Variants in TMPRSS11D observed in about 807,000 individuals in gnomAD.
TMPRSS11D encodes transmembrane serine protease 11D, also known as transmembrane protease serine 11D.
TMPRSS11D carries 32 observed loss-of-function variants against 44.4 expected under a neutral mutation model. That is an observed-to-expected ratio of 0.72 (90% CI 0.54 to 0.97). The LOEUF (loss-of-function observed/expected upper bound fraction) is 0.97, where lower values mean the gene tolerates loss of function less well. TMPRSS11D is among the 50% of genes least tolerant of loss of function. The pLI, the probability that TMPRSS11D is intolerant of heterozygous loss-of-function variation, is 0.00. For synonymous variants in TMPRSS11D, 179 were observed against 177.9 expected (o/e 1.01, Z -0.05); for missense variants, 446 against 502.6 (o/e 0.89, Z 1.08).
intron 1 of TMPRSS11D, among the ~76,000 whole-genome samples, chr4:67,862,203 C>T (rs2109691501): frequency 6.6e-6 from 1 of 152,190 alleles, no homozygotes; most frequent in Non-Finnish European, 1.5e-5. Context: ...ATCTGCCAGG[C>T]ATTGTACAAG....
chr4:67,831,171 G>A (rs763606968), intron 7 of TMPRSS11D, among the ~76,000 whole-genome samples: 2 of 152,064 alleles, frequency 1.3e-5, no homozygotes, highest in Non-Finnish European at 2.9e-5. Flanking sequence ...ACTGTTAAAG[G>A]CAGATAAAAA....
rs751423442 is a variant in TMPRSS11D, at chr4:67,838,244, T to C, written c.403A>G (p.Ile135Val). ...NNNGASMKSR[I>V]ESVLRQMLNN... ...AGCATTTGTCGTAAAACAGACTCAA[T>C]TCTGCTTTTCATTGATGCTCCATTG... Residue 135 changes from isoleucine (I) to valine (V), a missense_variant, in exon 5 of 10, where the codon ATT becomes GTT. By Grantham distance (29) the Ile-to-Val change is conservative. Coordinates refer to ENST00000283916, the MANE Select transcript of TMPRSS11D (RefSeq NM_004262.3). The C allele has an allele frequency of 1.2e-6, 2 of 1,602,514 alleles. 1 individual carries two copies. Among genetic ancestry groups the C allele is most frequent in the South Asian group, 2.3e-5 (2 of 88,706 alleles).
At chr4:67,876,370 A>T (rs988651095) in intron 1 of TMPRSS11D, among the ~76,000 whole-genome samples, 8 of 152,104 alleles carry the variant, frequency 5.3e-5, no homozygotes, top group African/African-American at 1.7e-4. Flanking sequence ...GTCTTTCTAT[A>T]TGTAGAACCT....
At chr4:67,828,648 A>G (rs937744349) in intron 7 of TMPRSS11D, among the ~76,000 whole-genome samples, 6 of 152,178 alleles carry the variant, frequency 3.9e-5, no homozygotes, top group African/African-American at 1.4e-4. Context: ...CCAAGGTCAG[A>G]GCTTCCAATA....
intron 1 of TMPRSS11D, among the ~76,000 whole-genome samples, chr4:67,862,459 C>A (rs1718812602): frequency 6.6e-6 from 1 of 152,080 alleles, no homozygotes; most frequent in South Asian, 2.1e-4. Context: ...TCACGTCTCT[C>A]CTGACCTCAC....
intron 1 of TMPRSS11D, among the ~76,000 whole-genome samples, chr4:67,870,813 C>T (rs80232746): frequency 7.5e-6 from 1 of 133,952 alleles, no homozygotes. Context: ...GACCCTGTCT[C>T]AAAAAAAAAA....
At chr4:67,882,486 A>G (rs1474236339) in intron 1 of TMPRSS11D, among the ~76,000 whole-genome samples, 1 of 152,188 alleles carries the variant, frequency 6.6e-6, no homozygotes, top group Admixed American at 6.5e-5. Flanking sequence ...TGATGGATCA[A>G]CTTAGAAATT....
intron 3 of TMPRSS11D, among the ~76,000 whole-genome samples, chr4:67,849,251 C>T (rs1441656715): frequency 6.6e-6 from 1 of 152,022 alleles, no homozygotes; most frequent in African/African-American, 2.4e-5. Context: ...GGTGTGGGGA[C>T]ATCATGAGTT....
chr4:67,822,090 A>C lies in TMPRSS11D; in HGVS notation c.*247T>G. On this transcript the variant is annotated 3_prime_UTR_variant, in exon 10 of 10. Transcript: ENST00000283916. ...ACTGTAATGAAATTGTTAACTTTGT[A>C]ATTAGTTTAGTGTGTTTCTTCTGTT... 1 of 393,398 alleles carries C rather than the reference A, an allele frequency of 2.5e-6. No homozygotes were observed. Among genetic ancestry groups the C allele is most frequent in the Admixed American group, 3.8e-5 (1 of 26,542 alleles). 24.4% of individuals were successfully genotyped at this position (393,398 alleles called of 1,614,324 possible).
intron 9 of TMPRSS11D, 70 bp from the exon 10 acceptor site, chr4:67,822,568 T>C (rs1717674169): frequency 6.5e-7 from 1 of 1,542,274 alleles, no homozygotes; most frequent in East Asian, 2.3e-5. Context: ...AGTTTATTTC[T>C]ATGGCAGTCG....
intron 7 of TMPRSS11D, among the ~76,000 whole-genome samples, chr4:67,829,091 A>G (rs1717878347): frequency 6.6e-6 from 1 of 151,238 alleles, no homozygotes; most frequent in South Asian, 2.1e-4. Flanking sequence ...TCCTGATTTG[A>G]CTTCCTCTGA....
At chr4:67,835,169 C>T in intron 5 of TMPRSS11D, 48 bp from the exon 6 acceptor site, 1 of 1,514,580 alleles carries the variant, frequency 6.6e-7, no homozygotes. Context: ...AGGCTGATAT[C>T]ATTTCACCAT....
intron 2 of TMPRSS11D, among the ~76,000 whole-genome samples, chr4:67,856,327 T>G (rs1478145507): frequency 6.6e-6 from 1 of 151,754 alleles, no homozygotes; most frequent in Admixed American, 6.6e-5. Flanking sequence ...CAGAAAGAAA[T>G]TCACCTACAG....
At chr4:67,830,306 A>G (rs1717914717) in intron 7 of TMPRSS11D, among the ~76,000 whole-genome samples, 1 of 152,056 alleles carries the variant, frequency 6.6e-6, no homozygotes, top group African/African-American at 2.4e-5. Context: ...GGGCAGTGAA[A>G]GTGAAATCCA....
chr4:67,850,551 C>A (rs146981141), intron 3 of TMPRSS11D, among the ~76,000 whole-genome samples: 11 of 152,266 alleles, frequency 7.2e-5, no homozygotes, highest in African/African-American at 2.6e-4. Context: ...GGAGGAAACA[C>A]CCTGTCAAAA....
intron 1 of TMPRSS11D, among the ~76,000 whole-genome samples, chr4:67,864,902 C>T (rs2319689): frequency 0.65 from 98,968 of 151,504 alleles, 33,414 homozygotes; most frequent in Non-Finnish European, 0.75. Flanking sequence ...AAGAGATAGA[C>T]AGGAATACAA....
chr4:67,863,963 T>C (rs1454628849), intron 1 of TMPRSS11D, among the ~76,000 whole-genome samples: 1 of 152,032 alleles, frequency 6.6e-6, no homozygotes, highest in Non-Finnish European at 1.5e-5. Context: ...CTGCGACATG[T>C]TGGTGATAAC....
At chr4:67,835,673 GTAATT>G (rs1400317845) in intron 5 of TMPRSS11D, among the ~76,000 whole-genome samples, 3 of 152,094 alleles carry the variant, frequency 2.0e-5, no homozygotes, top group African/African-American at 7.2e-5. Flanking sequence ...AAAAAAGAGA[GTAATT>G]AAATTATATG....
chr4:67,858,604 C>A (rs1189459266), intron 2 of TMPRSS11D, among the ~76,000 whole-genome samples: 1 of 151,980 alleles, frequency 6.6e-6, no homozygotes, highest in Non-Finnish European at 1.5e-5. Context: ...AGCATTTTTG[C>A]CTGTTTACAA....
Sources: gnomAD v4.1 joint callset for allele counts (sites outside exome capture counted in the v4.1 genomes callset) on GRCh38, gnomAD v4.1.1 for gene constraint, MANE v1.5 for transcripts, NCBI Gene and HGNC (gene_info 2026-07-23, HGNC 2026-07-21) for gene names.